Variants in AKAP12 observed in about 807,000 individuals in gnomAD.
AKAP12 encodes the protein A-kinase anchor protein 12.
In AKAP12, 32 loss-of-function variants were observed where a neutral mutation model predicts 79.9. The ratio of observed to expected loss-of-function variants is 0.40; its 90% CI spans 0.30 to 0.54. The LOEUF (loss-of-function observed/expected upper bound fraction) is 0.54. Ranked by LOEUF, AKAP12 falls within the 20% of genes least tolerant of loss-of-function variation. The probability of loss-of-function intolerance (pLI) is 0.48; values close to 1 mark genes in which losing one functional copy is unlikely to be tolerated. For synonymous variants in AKAP12, 808 were observed against 857.0 expected, an observed-to-expected ratio of 0.94 and a Z score of 1.00; for missense variants, 2,074 against 2,177.0, an observed-to-expected ratio of 0.95 and a Z score of 0.94.
At chr6:151,326,036 A>G in intron 3 of AKAP12, 1 of 1,112,080 alleles carries the variant, frequency 9.0e-7, no homozygotes, top group Non-Finnish European at 1.3e-6. Flanking sequence ...CCGTGTACTG[A>G]GTTTTTCTTC....
At position 151,248,589 on chromosome 6, in the gene AKAP12, G is replaced by A. The variant is rs189901050; in HGVS notation, c.162+7865G>A. ...TGGAACTTGTGTGGGTGAGAGGGAC[G>A]GTTTCACATGATGAAAGAGTAGCAT... On this transcript the variant is annotated intron_variant, in intron 2 of 4. Coordinates refer to ENST00000402676, the MANE Select transcript of AKAP12 (RefSeq NM_005100.4). 1.6e-3 allele frequency among the ~76,000 whole-genome samples: 247 copies of A among 152,200 alleles called. 1 individual carries two copies. The highest frequency in any genetic ancestry group is 5.8e-3 in the African/African-American group (240 of 41,522).
chr6:151,352,137 A>G lies in AKAP12; in HGVS notation c.3746A>G (p.Glu1249Gly). The change falls in exon 4 of 5, where the codon GAG becomes GGG. Residue 1249 changes from glutamate to glycine, a missense_variant. By Grantham distance (98) the Glu-to-Gly change is moderately conservative (BLOSUM62 -2). Transcript: ENST00000402676. ...MEDTLEHTDKEVSVETVSILS... is the reference protein window; with the variant it reads ...MEDTLEHTDKGVSVETVSILS... The stretch of plus-strand genomic sequence containing the variant: ...GACACTCTAGAGCATACAGATAAAG[A>G]GGTGTCAGTGGAAACTGTATCCATT... The G allele has an allele frequency of 6.2e-7, 1 of 1,614,172 alleles. No homozygotes were observed. The highest frequency in any genetic ancestry group is 1.3e-5 in the African/African-American group (1 of 75,038).
chr6:151,248,912 A>G (rs1344979699), intron 2 of AKAP12, among the ~76,000 whole-genome samples: 1 of 151,834 alleles, frequency 6.6e-6, no homozygotes, highest in Non-Finnish European at 1.5e-5. Context: ...GCTTGAACCT[A>G]GGAGGTGGAG....
In AKAP12 at chr6:151,303,655, A is replaced by G. The variant is rs575042270; in HGVS notation, c.163-2092A>G. Among the ~76,000 whole-genome samples, 32 of 152,346 alleles carry G rather than the reference A, an allele frequency of 2.1e-4. No individual in the cohort carries two copies. In the South Asian group the frequency reaches 4.1e-3, roughly 20 times the overall value. On this transcript the variant is annotated intron_variant, in intron 2 of 4. Coordinates refer to ENST00000402676, the MANE Select transcript of AKAP12 (RefSeq NM_005100.4). ...GATGGAATGATGTCAGATGGAGTGCAGAGTTGAGATTGCTTTGTAGCATGC... is the reference window on the plus strand; with the variant it reads ...GATGGAATGATGTCAGATGGAGTGCGGAGTTGAGATTGCTTTGTAGCATGC...
chr6:151,320,712 GTC>G (rs1413551058), intron 3 of AKAP12, among the ~76,000 whole-genome samples: 1 of 152,106 alleles, frequency 6.6e-6, no homozygotes, highest in Non-Finnish European at 1.5e-5. Context: ...TGTTGCTTCA[GTC>G]TCTTCCTCCC....
chr6:151,352,523 G>C lies in AKAP12; in HGVS notation c.4132G>C (p.Val1378Leu), dbSNP rs1167410987. ...GGTCAGTAAGCAGCTCCTCCAGACA[G>C]TGAATGTGCCCATCATAGATGGGGC... ...EEVSKQLLQTVNVPIIDGAKE... is the reference protein window; with the variant it reads ...EEVSKQLLQTLNVPIIDGAKE... The change falls in exon 4 of 5, where the codon GTG becomes CTG. Residue 1378 changes from valine (V) to leucine (L), a missense_variant. By Grantham distance (32) the Val-to-Leu change is conservative. Coordinates refer to ENST00000402676, the MANE Select transcript of AKAP12 (RefSeq NM_005100.4). 2 of 1,614,210 alleles carry C rather than the reference G, an allele frequency of 1.2e-6. No homozygotes were observed. The highest frequency in any genetic ancestry group is 1.7e-6 in the Non-Finnish European group (2 of 1,180,046).
chr6:151,276,595 T>C (rs1247719024), intron 2 of AKAP12, among the ~76,000 whole-genome samples: 1 of 152,262 alleles, frequency 6.6e-6, no homozygotes, highest in African/African-American at 2.4e-5. Context: ...TTGCAGTCAC[T>C]GCAGAGCAAT....
chr6:151,278,842 T>C (rs1481824989), intron 2 of AKAP12, among the ~76,000 whole-genome samples: 2 of 152,000 alleles, frequency 1.3e-5, no homozygotes, highest in Admixed American at 6.6e-5. Context: ...TAATTTTTTG[T>C]ATTTTTAGTA....
chr6:151,353,533 G>C lies in AKAP12; in HGVS notation c.5142G>C (p.Leu1714=), dbSNP rs1778358730. The part of the protein sequence containing the change: ...VDDPENQNSA[L]ADTDASGGLT... ...ACCCTGAAAACCAGAACTCAGCCCTGGCTGATACTGATGCCTCAGGAGGCT... is the reference window on the plus strand; with the variant it reads ...ACCCTGAAAACCAGAACTCAGCCCTCGCTGATACTGATGCCTCAGGAGGCT... The change falls in exon 4 of 5, where the codon CTG becomes CTC. Residue 1714 remains leucine, a synonymous_variant. Transcript: ENST00000402676. 2.5e-6 allele frequency: 4 copies of C among 1,614,074 alleles called. No individual in the cohort carries two copies. Among genetic ancestry groups the C allele is most frequent in the African/African-American group, 1.3e-5 (1 of 74,922 alleles).
chr6:151,305,494 C>CAA (rs1776959099), intron 2 of AKAP12, among the ~76,000 whole-genome samples: 4 of 152,174 alleles, frequency 2.6e-5, no homozygotes, highest in Admixed American at 2.6e-4. Flanking sequence ...ATGTATGTAT[C>CAA]TGGTGTTCCA....
At chr6:151,318,930 C>G (rs189324878) in intron 3 of AKAP12, among the ~76,000 whole-genome samples, 344 of 152,018 alleles carry the variant, frequency 2.3e-3, no homozygotes, top group African/African-American at 8.0e-3. Flanking sequence ...AGAGTGAGAC[C>G]CTGTCTCTAA....
rs749900365 is a variant in AKAP12, at chr6:151,348,778, G to A, written c.387G>A (p.Ala129=). The A allele has an allele frequency of 1.4e-5, 21 of 1,513,016 alleles. 1 individual carries two copies. The South Asian group carries it at 1.4e-4, about 10-fold the overall frequency. The allele number at this position is 1,513,016 out of a possible 1,614,324, so 93.7% of individuals were successfully genotyped here. The change falls in exon 4 of 5, where the codon GCG becomes GCA. Residue 129 remains alanine, a synonymous_variant. Coordinates refer to ENST00000402676, the MANE Select transcript of AKAP12 (RefSeq NM_005100.4). Reference sequence around the variant, plus strand: ...ATAAAGAGATGGCTACTAAGTCAGCGGTTGTTCACGACATCACAGATGATG... The same window carrying A: ...ATAAAGAGATGGCTACTAAGTCAGCAGTTGTTCACGACATCACAGATGATG... ...DSDKEMATKS[A]VVHDITDDGQ...
chr6:151,281,059 T>C (rs1417275687), intron 2 of AKAP12, among the ~76,000 whole-genome samples: 1 of 152,232 alleles, frequency 6.6e-6, no homozygotes, highest in African/African-American at 2.4e-5. Flanking sequence ...AGGAAGTGGC[T>C]GTGTTTCTGT....
At chr6:151,312,880 G>A (rs906052849) in intron 3 of AKAP12, among the ~76,000 whole-genome samples, 1 of 151,940 alleles carries the variant, frequency 6.6e-6, no homozygotes, top group African/African-American at 2.4e-5. Context: ...GATGGGGTGA[G>A]GGGGGCTGTT....
At chr6:151,262,442 TG>T (rs1228202280) in intron 2 of AKAP12, among the ~76,000 whole-genome samples, 1 of 152,196 alleles carries the variant, frequency 6.6e-6, no homozygotes, top group East Asian at 1.9e-4. Context: ...TCCCACACCT[TG>T]GGTGTCCTCT....
intron 2 of AKAP12, among the ~76,000 whole-genome samples, chr6:151,291,061 T>G (rs1327193020): frequency 6.6e-6 from 1 of 152,182 alleles, no homozygotes; most frequent in African/African-American, 2.4e-5. Context: ...TTTACTTTCC[T>G]TTTGAGAGCT....
intron 3 of AKAP12, among the ~76,000 whole-genome samples, chr6:151,331,791 A>C (rs1777675069): frequency 6.7e-6 from 1 of 149,636 alleles, no homozygotes; most frequent in African/African-American, 2.4e-5. Context: ...AGGCTGAGGC[A>C]GGAGAATGGC....
chr6:151,344,335 A>C (rs1380964481), intron 3 of AKAP12, among the ~76,000 whole-genome samples: 2 of 152,176 alleles, frequency 1.3e-5, no homozygotes, highest in South Asian at 4.1e-4. Flanking sequence ...AAAGGCCCTT[A>C]TTGAGTCTCT....
intron 3 of AKAP12, among the ~76,000 whole-genome samples, chr6:151,331,425 T>C (rs1459522637): frequency 1.3e-5 from 2 of 152,202 alleles, no homozygotes; most frequent in African/African-American, 4.8e-5. Context: ...TATTTCACTT[T>C]CCACACTTAT....
Sources: allele counts gnomAD v4.1 joint callset (sites outside exome capture counted in the v4.1 genomes callset), GRCh38; gene constraint gnomAD v4.1.1; transcripts MANE v1.5; gene names NCBI Gene and HGNC (gene_info 2026-07-23, HGNC 2026-07-21).